Variants in TBC1D14 observed in about 807,000 individuals in gnomAD.
TBC1D14 encodes TBC1 domain family member 14.
In TBC1D14, 26 loss-of-function variants were observed where a neutral mutation model predicts 79.0. That is an observed-to-expected ratio of 0.33 (90% CI 0.24 to 0.46). TBC1D14 has a LOEUF of 0.46. Among genes scored for constraint, TBC1D14 ranks in the 20% least tolerant of loss-of-function variants. The probability of loss-of-function intolerance (pLI) is 1.00; values close to 1 mark genes in which losing one functional copy is unlikely to be tolerated. For synonymous variants in TBC1D14, 394 were observed against 349.9 expected, an observed-to-expected ratio of 1.13 and a Z score of -1.40; for missense variants, 769 against 887.6, an observed-to-expected ratio of 0.87 and a Z score of 1.70.
intron 3 of TBC1D14, among the ~76,000 whole-genome samples, chr4:6,992,762 C>G (rs7658198): frequency 0.25 from 37,463 of 152,194 alleles, 5,236 homozygotes; most frequent in African/African-American, 0.38. Flanking sequence ...CTAGTGCCGT[C>G]TTAGGTCACG....
At chr4:7,005,436 G>A (rs1577157922) in intron 8 of TBC1D14, among the ~76,000 whole-genome samples, 2 of 152,334 alleles carry the variant, frequency 1.3e-5, no homozygotes, top group East Asian at 1.9e-4. Context: ...TCGGGAGGCC[G>A]AGGCAGGAGA....
At chr4:6,998,604 T>C (rs1719321042) in intron 5 of TBC1D14, among the ~76,000 whole-genome samples, 1 of 152,048 alleles carries the variant, frequency 6.6e-6, no homozygotes, top group Non-Finnish European at 1.5e-5. Context: ...AGTGGTGCTA[T>C]CTCGGCTCAC....
chr4:6,915,032 C>T (rs1317600363), intron 1 of TBC1D14, among the ~76,000 whole-genome samples: 4 of 152,152 alleles, frequency 2.6e-5, no homozygotes, highest in South Asian at 2.1e-4. Context: ...GAGTGAGACT[C>T]TGTCTCAGAA....
At position 7,031,304 on chromosome 4, in the gene TBC1D14, T is replaced by C. The variant is rs2108768695; in HGVS notation, c.*912T>C. ...CACATGTGGGGGAGGTGGCCCCTTG[T>C]GCCAGCAGTGGCTCCTCTCTGCCTT... On this transcript the variant is annotated 3_prime_UTR_variant, in exon 14 of 14. Coordinates refer to ENST00000409757, the MANE Select transcript of TBC1D14 (RefSeq NM_020773.3). 1 of 152,444 alleles carries C rather than the reference T, an allele frequency of 6.6e-6. No homozygotes were observed. Among genetic ancestry groups the C allele is most frequent in the South Asian group, 2.1e-4 (1 of 4,830 alleles). 9.4% of individuals were successfully genotyped at this position (152,444 alleles called of 1,614,324 possible).
intron 3 of TBC1D14, among the ~76,000 whole-genome samples, chr4:6,990,346 G>A (rs1718363409): frequency 6.6e-6 from 1 of 152,236 alleles, no homozygotes; most frequent in African/African-American, 2.4e-5. Flanking sequence ...CTACTTGGGA[G>A]GCTGAGGCAG....
At chr4:7,022,146 C>T (rs1721895051) in intron 12 of TBC1D14, among the ~76,000 whole-genome samples, 1 of 152,274 alleles carries the variant, frequency 6.6e-6, no homozygotes, top group Non-Finnish European at 1.5e-5. Context: ...AGCCTCAGTT[C>T]AAGACTGTGG....
chr4:6,923,771 T>A lies in TBC1D14; in HGVS notation c.382T>A (p.Ser128Thr). The change falls in exon 2 of 14, where the codon TCC becomes ACC. Residue 128 changes from serine to threonine, a missense_variant. Physicochemically the swap from Ser to Thr is moderately conservative, Grantham distance 58. This residue lies in a region of TBC1D14 where 402 missense variants were observed against 393.2 expected (regional missense o/e 1.02). Transcript: ENST00000409757. ...TEREQSVRKS[S>T]TFPRTGYDSV... ...GCGGGAACAGAGCGTGCGCAAATCCTCCACGTTTCCCAGGACAGGCTATGA... is the reference window on the plus strand; with the variant it reads ...GCGGGAACAGAGCGTGCGCAAATCCACCACGTTTCCCAGGACAGGCTATGA... 1 of 1,614,052 alleles carries A rather than the reference T, an allele frequency of 6.2e-7. No homozygotes were observed. The highest frequency in any genetic ancestry group is 1.3e-5 in the African/African-American group (1 of 75,068).
At chr4:6,980,482 G>T (rs1717264852) in intron 3 of TBC1D14, among the ~76,000 whole-genome samples, 1 of 152,150 alleles carries the variant, frequency 6.6e-6, no homozygotes, top group Admixed American at 6.5e-5. Flanking sequence ...AGTATAAACA[G>T]AGCAAATAAA....
At chr4:6,917,140 C>T (rs1001976483) in intron 1 of TBC1D14, among the ~76,000 whole-genome samples, 4 of 152,236 alleles carry the variant, frequency 2.6e-5, no homozygotes, top group African/African-American at 9.6e-5. Flanking sequence ...CCAGCTCTCA[C>T]CGAGTTCTTG....
chr4:6,984,279 G>C (rs1307124338), intron 3 of TBC1D14, among the ~76,000 whole-genome samples: 2 of 152,166 alleles, frequency 1.3e-5, no homozygotes, highest in Non-Finnish European at 2.9e-5. Flanking sequence ...GCCTATGCTC[G>C]TGAGGGTGAA....
At chr4:6,948,092 G>A (rs1355304202) in intron 2 of TBC1D14, among the ~76,000 whole-genome samples, 1 of 152,212 alleles carries the variant, frequency 6.6e-6, no homozygotes, top group Non-Finnish European at 1.5e-5. Flanking sequence ...GGCTGCACGG[G>A]AGAGTGGTTT....
intron 3 of TBC1D14, among the ~76,000 whole-genome samples, chr4:6,978,000 C>CT (rs1215335351): frequency 6.6e-6 from 1 of 151,250 alleles, no homozygotes; most frequent in Non-Finnish European, 1.5e-5. Context: ...AGCCCCTCCG[C>CT]CCGGCAGCCA....
chr4:6,987,191 G>T (rs974195856), intron 3 of TBC1D14: 11 of 1,222,832 alleles, frequency 9.0e-6, no homozygotes, highest in Non-Finnish European at 1.1e-5. Context: ...GTGTCTGCGC[G>T]CGATTGAGCG....
At chr4:6,923,341 C>T in intron 1 of TBC1D14, 32 bp from the exon 2 acceptor site, 2 of 1,552,468 alleles carry the variant, frequency 1.3e-6, no homozygotes, top group Non-Finnish European at 1.7e-6. Flanking sequence ...ATTTTATATC[C>T]ACTTTAATTT....
intron 13 of TBC1D14, among the ~76,000 whole-genome samples, chr4:7,025,925 A>AT (rs1722326334): frequency 6.6e-6 from 1 of 152,146 alleles, no homozygotes. Flanking sequence ...GGAAAAAAAA[A>AT]CCAGTTTGGG....
rs777036134 is a variant in TBC1D14 at position 7,029,431 on chromosome 4, C to T, written c.2017-896C>T. 5.9e-5 allele frequency among the ~76,000 whole-genome samples: 9 copies of T among 152,360 alleles called. No homozygotes were observed. The South Asian group carries it at 6.2e-4, about 11-fold the overall frequency. On this transcript the variant is annotated intron_variant, in intron 13 of 13. Coordinates refer to ENST00000409757, the MANE Select transcript of TBC1D14 (RefSeq NM_020773.3). ...GGCATTAGCCTTCCAGAGTTTGTCG[C>T]GTGGGCTAAGCGGGTGCTGGGCGCG...
chr4:7,024,048 A>T (rs894072379), intron 12 of TBC1D14, among the ~76,000 whole-genome samples: 2 of 152,164 alleles, frequency 1.3e-5, no homozygotes, highest in Non-Finnish European at 2.9e-5. Context: ...CCATAACTGC[A>T]TGTCCTCGGG....
chr4:6,918,441 G>A (rs1304095548), intron 1 of TBC1D14, among the ~76,000 whole-genome samples: 1 of 152,236 alleles, frequency 6.6e-6, no homozygotes, highest in Non-Finnish European at 1.5e-5. Context: ...GTAAAGGGAA[G>A]CACACGTTCA....
rs1560351159 is a variant in TBC1D14 at position 7,014,158 on chromosome 4, C to T, written c.1648-290C>T. ...CACAAATTCATTCCCAGCTTCACCA[C>T]CTACAAAGCTTGTGCCCTTATTTGG... On this transcript the variant is annotated intron_variant, in intron 11 of 13. Transcript: ENST00000409757. Among the ~76,000 whole-genome samples, 4 of 152,214 alleles carry T rather than the reference C, an allele frequency of 2.6e-5. 1 individual carries two copies. In the South Asian group the frequency reaches 8.3e-4, roughly 31 times the overall value.
Sources: allele counts gnomAD v4.1 joint callset (sites outside exome capture counted in the v4.1 genomes callset), GRCh38; gene constraint gnomAD v4.1.1; regional missense constraint gnomAD v4.1.1; transcripts MANE v1.5; gene names NCBI Gene and HGNC (gene_info 2026-07-23, HGNC 2026-07-21).